XPO4: variants seen among roughly 807,000 people sequenced by gnomAD.
XPO4 encodes the protein exportin 4.
In XPO4, 39 loss-of-function variants were observed where a neutral mutation model predicts 143.0. The observed-to-expected ratio is 0.27, with a 90% confidence interval of 0.21 to 0.36. The LOEUF is 0.36. Ranked by LOEUF, XPO4 falls within the 10% of genes least tolerant of loss-of-function variation. XPO4 has a pLI of 1.00. For missense variants in XPO4, 907 were observed against 1,348.0 expected, an observed-to-expected ratio of 0.67 and a Z score of 5.12; for synonymous variants, 439 against 474.0, an observed-to-expected ratio of 0.93 and a Z score of 0.96.
intron 1 of XPO4, among the ~76,000 whole-genome samples, chr13:20,884,534 G>C (rs73167462): frequency 1.3e-5 from 2 of 151,838 alleles, no homozygotes; most frequent in Non-Finnish European, 2.9e-5. Context: ...CTCAGCCTCC[G>C]GAGTAGCTGG....
At chr13:20,842,438 A>C (rs1239885494) in intron 6 of XPO4, among the ~76,000 whole-genome samples, 1 of 152,220 alleles carries the variant, frequency 6.6e-6, no homozygotes, top group Non-Finnish European at 1.5e-5. Flanking sequence ...AAGAGTAAAC[A>C]TATTACTAAC....
chr13:20,885,010 C>A (rs1280298907), intron 1 of XPO4, among the ~76,000 whole-genome samples: 1 of 152,080 alleles, frequency 6.6e-6, no homozygotes, highest in African/African-American at 2.4e-5. Context: ...GTTGCCCAGG[C>A]TGGAATGCAA....
rs369969361 is a variant in XPO4, at chr13:20,873,101, C to A, written c.70-4400G>T. ...GACCCGTGACCATTCCAAGGATCTT[C>A]AAAAAAAAAAAAAAACAAGGATGGG... On this transcript the variant is annotated intron_variant, in intron 1 of 22. Coordinates refer to ENST00000255305, the MANE Select transcript of XPO4 (RefSeq NM_022459.5). Among the ~76,000 whole-genome samples, 511 of 127,896 alleles carry A rather than the reference C, an allele frequency of 4.0e-3. 3 individuals carry two copies. Among genetic ancestry groups the A allele is most frequent in the South Asian group, 0.034 (139 of 4,054 alleles). The allele number at this position is 127,896 out of a possible 152,430, so 83.9% of individuals were successfully genotyped here.
At chr13:20,895,149 G>T (rs542617723) in intron 1 of XPO4, among the ~76,000 whole-genome samples, 1 of 152,246 alleles carries the variant, frequency 6.6e-6, no homozygotes, top group Non-Finnish European at 1.5e-5. Context: ...CTGCACTCCA[G>T]CCTAGGCAAC....
intron 18 of XPO4, among the ~76,000 whole-genome samples, chr13:20,795,802 G>A (rs1335538109): frequency 1.3e-5 from 2 of 152,148 alleles, no homozygotes; most frequent in African/African-American, 2.4e-5. Context: ...GAATAACAAT[G>A]GGATTGACTT....
rs1277667628 is a variant in XPO4, at chr13:20,777,369, T to G, written c.*6353A>C. On this transcript the variant is annotated 3_prime_UTR_variant, in exon 23 of 23. Transcript: ENST00000255305. ...ATGGAATTTATTGAGCATCTACTATTATATTTCATCCATCACTTTTAAATT... is the reference window on the plus strand; with the variant it reads ...ATGGAATTTATTGAGCATCTACTATGATATTTCATCCATCACTTTTAAATT... The G allele has an allele frequency of 6.6e-6, 1 of 152,228 alleles. No individual in the cohort carries two copies. Among genetic ancestry groups the G allele is most frequent in the Non-Finnish European group, 1.5e-5 (1 of 68,034 alleles). 9.4% of individuals were successfully genotyped at this position (152,228 alleles called of 1,614,324 possible). A position where few individuals can be genotyped will look rare whatever the true frequency, so the allele number is the denominator to read the frequency against.
At chr13:20,792,078 G>A (rs1055705849) in intron 18 of XPO4, among the ~76,000 whole-genome samples, 13 of 152,194 alleles carry the variant, frequency 8.5e-5, no homozygotes, top group African/African-American at 2.9e-4. Context: ...AGCCGGCAAA[G>A]GCTGACCCAT....
chr13:20,877,199 A>G (rs2060361072), intron 1 of XPO4, among the ~76,000 whole-genome samples: 1 of 152,254 alleles, frequency 6.6e-6, no homozygotes, highest in African/African-American at 2.4e-5. Context: ...TATCCAGAAC[A>G]TAACAACATT....
At chr13:20,810,018 C>T in intron 9 of XPO4, 51 bp from the exon 10 acceptor site, 2 of 1,472,158 alleles carry the variant, frequency 1.4e-6, no homozygotes, top group African/African-American at 1.4e-5. Context: ...CGACAATTGG[C>T]ATAACAACAG....
intron 4 of XPO4, among the ~76,000 whole-genome samples, chr13:20,845,636 CA>C (rs2060022300): frequency 6.6e-6 from 1 of 152,248 alleles, no homozygotes; most frequent in East Asian, 1.9e-4. Context: ...ACAATCCCTT[CA>C]TTTTTTTAGT....
intron 4 of XPO4, chr13:20,848,487 T>TA: frequency 1.0e-6 from 1 of 985,442 alleles, no homozygotes; most frequent in Non-Finnish European, 1.2e-6. Context: ...AAATACCATG[T>TA]AATTACACCA....
chr13:20,892,249 G>A (rs375951064), intron 1 of XPO4, among the ~76,000 whole-genome samples: 4 of 151,964 alleles, frequency 2.6e-5, no homozygotes, highest in African/African-American at 9.7e-5. Flanking sequence ...ACCATGCCTG[G>A]CTAATTTTTT....
chr13:20,855,987 G>A (rs2060139319), intron 3 of XPO4, among the ~76,000 whole-genome samples: 2 of 152,012 alleles, frequency 1.3e-5, no homozygotes, highest in Non-Finnish European at 2.9e-5. Flanking sequence ...TAGCATTCAG[G>A]GCCTTGGTTT....
chr13:20,812,890 G>A (rs1251596886), intron 9 of XPO4, among the ~76,000 whole-genome samples: 1 of 152,020 alleles, frequency 6.6e-6, no homozygotes, highest in Non-Finnish European at 1.5e-5. Context: ...CAGAAAAAAA[G>A]TGAAAAAGCC....
At chr13:20,841,081 A>T (rs1009408520) in intron 6 of XPO4, among the ~76,000 whole-genome samples, 5 of 152,182 alleles carry the variant, frequency 3.3e-5, no homozygotes, top group African/African-American at 1.2e-4. Flanking sequence ...ACTCTCTACC[A>T]ACTGTATTTT....
chr13:20,882,309 C>T (rs549800086), intron 1 of XPO4, among the ~76,000 whole-genome samples: 151 of 151,622 alleles, frequency 1.0e-3, no homozygotes, highest in African/African-American at 3.5e-3. Flanking sequence ...GCCATACACA[C>T]GGTACCAACA....
Position 20,902,718 on chromosome 13 carries a change from C to A in XPO4, c.21G>T (p.Gly7=). The change falls in exon 1 of 23, where the codon GGG becomes GGT. Residue 7 remains glycine (G), a synonymous_variant. Transcript: ENST00000255305. MMAAAL[G]PPEVIAQLEN... ...CCAGCTGAGCGATCACTTCTGGGGG[C>A]CCCAGCGCCGCCGCCATCATGGTCT... is the stretch of plus-strand genomic sequence containing the variant. 5.1e-6 allele frequency: 8 copies of A among 1,558,364 alleles called. No individual in the cohort carries two copies. Among genetic ancestry groups the A allele is most frequent in the Non-Finnish European group, 6.9e-6 (8 of 1,151,378 alleles).
At chr13:20,890,668 G>A in intron 1 of XPO4, among the ~76,000 whole-genome samples, 1 of 151,574 alleles carries the variant, frequency 6.6e-6, no homozygotes, top group East Asian at 1.9e-4. Context: ...TATGGTTGGT[G>A]TCTGTCTGTA....
At chr13:20,859,892 G>A (rs902881987) in intron 3 of XPO4, 160 of 978,340 alleles carry the variant, frequency 1.6e-4, no homozygotes, top group Non-Finnish European at 1.8e-4. Context: ...ACACATTTAA[G>A]TCTACCAAGG....
Sources: allele counts gnomAD v4.1 joint callset (sites outside exome capture counted in the v4.1 genomes callset), GRCh38; gene constraint gnomAD v4.1.1; transcripts MANE v1.5; gene names NCBI Gene and HGNC (gene_info 2026-07-23, HGNC 2026-07-21).